Variants in BCL11B observed in about 807,000 individuals in gnomAD.
BCL11B encodes B-cell lymphoma/leukemia 11B.
Under a neutral mutation model 49.9 loss-of-function variants are expected in BCL11B, and 8 were observed. The ratio of observed to expected loss-of-function variants is 0.16; its 90% CI spans 0.09 to 0.29. The LOEUF (loss-of-function observed/expected upper bound fraction) is 0.29, where lower values mean the gene tolerates loss of function less well. Among genes scored for constraint, BCL11B ranks in the 10% least tolerant of loss-of-function variants. The pLI, the probability that BCL11B is intolerant of heterozygous loss-of-function variation, is 1.00. For synonymous variants in BCL11B, 739 were observed against 637.4 expected (o/e 1.16, Z -2.40); for missense variants, 1,006 against 1,351.0 (o/e 0.74, Z 4.00).
Position 99,172,076 on chromosome 14 carries a change from A to ATT in BCL11B, c.*2073_*2074dup. The ATT allele has an allele frequency of 4.7e-6, 1 of 210,836 alleles. No homozygotes were observed. The highest frequency in any genetic ancestry group is 7.2e-5 in the East Asian group (1 of 13,812). The allele number at this position is 210,836 out of a possible 1,614,324, so 13.1% of individuals were successfully genotyped here. ...GATCGCTCCAACACACATACACACAATTTTTTTTTTACCCTTGTATGTACC... is the reference window on the plus strand; with the variant it reads ...GATCGCTCCAACACACATACACACAATTTTTTTTTTTTACCCTTGTATGTACC... On this transcript the variant is annotated 3_prime_UTR_variant, in exon 4 of 4. Transcript: ENST00000357195.
In BCL11B at chr14:99,250,521, C is replaced by T. The variant is rs1391527425; in HGVS notation, c.427+6950G>A. Among the ~76,000 whole-genome samples, 6 of 152,180 alleles carry T rather than the reference C, an allele frequency of 3.9e-5. 1 individual carries two copies. Among genetic ancestry groups the T allele is most frequent in the Admixed American group, 3.9e-4 (6 of 15,294 alleles). ...GACCCCAAAGGCACAGGGTGACAGC[C>T]AGTCAGCCTTATTTCTATAGATTAT... On this transcript the variant is annotated intron_variant, in intron 2 of 3. Transcript: ENST00000357195.
chr14:99,229,035 G>GATGC (rs1220927833), intron 3 of BCL11B, among the ~76,000 whole-genome samples: 32 of 119,868 alleles, frequency 2.7e-4, no homozygotes, highest in South Asian at 7.7e-4. Flanking sequence ...TGGATGGATG[G>GATGC]ATGGATGCAT....
intron 3 of BCL11B, among the ~76,000 whole-genome samples, chr14:99,199,002 C>A (rs918557795): frequency 6.6e-6 from 1 of 152,066 alleles, no homozygotes; most frequent in East Asian, 1.9e-4. Flanking sequence ...ACGCTTTGCG[C>A]GGGGCCGTTG....
Position 99,192,485 on chromosome 14 carries a change from G to A in BCL11B, c.641-16290C>T, listed in dbSNP as rs1184232411. Among the ~76,000 whole-genome samples, 9 of 152,130 alleles carry A rather than the reference G, an allele frequency of 5.9e-5. No homozygotes were observed. Among genetic ancestry groups the A allele is most frequent in the East Asian group, 3.8e-4 (2 of 5,196 alleles). ...GCAGAAAATAAAACAATGCCGGCAC[G>A]TTCTGGAGACCACAGCGCGCTACCT... is the stretch of plus-strand genomic sequence containing the variant. On this transcript the variant is annotated intron_variant, in intron 3 of 3. Coordinates refer to ENST00000357195, the MANE Select transcript of BCL11B (RefSeq NM_138576.4). The surrounding 1 kb of genome is among the most constrained non-coding windows in gnomAD (Gnocchi z 4.0).
At chr14:99,202,143 G>A (rs1319603511) in intron 3 of BCL11B, among the ~76,000 whole-genome samples, 5 of 151,942 alleles carry the variant, frequency 3.3e-5, no homozygotes. Context: ...CACCACACTC[G>A]GCTGATTTTT....
In BCL11B at chr14:99,192,390, C is replaced by T. The variant is rs1187519831; in HGVS notation, c.641-16195G>A. Among the ~76,000 whole-genome samples the T allele has an allele frequency of 1.3e-5, 2 of 152,154 alleles. No homozygotes were observed. Among genetic ancestry groups the T allele is most frequent in the Non-Finnish European group, 2.9e-5 (2 of 68,024 alleles). ...GAACAGAGCAGGGCTTTCGGGGCCC[C>T]GCTCGCCACAATAGGGACTGTAAAC... is the stretch of plus-strand genomic sequence containing the variant. On this transcript the variant is annotated intron_variant, in intron 3 of 3. Coordinates refer to ENST00000357195, the MANE Select transcript of BCL11B (RefSeq NM_138576.4). This position sits in a 1 kb window ranked among gnomAD's most constrained non-coding sequence, Gnocchi z 4.0.
At chr14:99,218,035 G>A (rs1429591838) in intron 3 of BCL11B, among the ~76,000 whole-genome samples, 1 of 140,636 alleles carries the variant, frequency 7.1e-6, no homozygotes, top group Non-Finnish European at 1.5e-5. Context: ...ATTCAACTCT[G>A]TTAATTCTCA....
rs1382974900 is a variant in BCL11B at position 99,184,906 on chromosome 14, C to T, written c.641-8711G>A. On this transcript the variant is annotated intron_variant, in intron 3 of 3. Transcript: ENST00000357195. The surrounding 1 kb of genome is among the most constrained non-coding windows in gnomAD (Gnocchi z 6.1). ...CGGCTTCATCTGCCTGGACTTAATT[C>T]AGGCTTTGAGAAAAACCTTAGGAAG... Among the ~76,000 whole-genome samples, 1 of 152,194 alleles carries T rather than the reference C, an allele frequency of 6.6e-6. No individual in the cohort carries two copies. The highest frequency in any genetic ancestry group is 1.5e-5 in the Non-Finnish European group (1 of 68,042).
chr14:99,267,398 G>A (rs1399411854), intron 1 of BCL11B, among the ~76,000 whole-genome samples: 4 of 152,102 alleles, frequency 2.6e-5, no homozygotes, highest in Admixed American at 2.6e-4. Flanking sequence ...TTTTCTCTCA[G>A]GTGTGAATTA....
chr14:99,183,622 G>A (rs913376612), intron 3 of BCL11B, among the ~76,000 whole-genome samples: 7 of 152,032 alleles, frequency 4.6e-5, no homozygotes, highest in South Asian at 2.1e-4. Flanking sequence ...TTCCTGGGTC[G>A]TTCGCTGTAG....
chr14:99,176,077 C>G lies in BCL11B; in HGVS notation c.759G>C (p.Gly253=). 1 of 1,606,506 alleles carries G rather than the reference C, an allele frequency of 6.2e-7. No individual in the cohort carries two copies. The highest frequency in any genetic ancestry group is 8.5e-7 in the Non-Finnish European group (1 of 1,176,410). ...THGFRIYLEP[G]PASSSLTPRL... The stretch of plus-strand genomic sequence containing the variant: ...GCGGCGTGAGCGAGCTGCTGGCCGG[C>G]CCGGGCTCCAGGTAGATGCGGAAGC... Residue 253 remains glycine, a synonymous_variant, in exon 4 of 4, where the codon GGG becomes GGC. Transcript: ENST00000357195.
At chr14:99,182,970 T>G (rs1886751246) in intron 3 of BCL11B, among the ~76,000 whole-genome samples, 1 of 152,202 alleles carries the variant, frequency 6.6e-6, no homozygotes, top group Non-Finnish European at 1.5e-5. Flanking sequence ...TACATCTGAC[T>G]TTCATTAATT....
intron 3 of BCL11B, among the ~76,000 whole-genome samples, chr14:99,223,528 A>G (rs771551046): frequency 7.9e-5 from 12 of 152,184 alleles, no homozygotes; most frequent in Non-Finnish European, 1.5e-4. Context: ...GTGACCTTCA[A>G]TTCACACAAT....
intron 3 of BCL11B, among the ~76,000 whole-genome samples, chr14:99,185,751 C>G (rs1283714480): frequency 6.6e-6 from 1 of 151,618 alleles, no homozygotes; most frequent in Non-Finnish European, 1.5e-5. Flanking sequence ...GCACACTCGC[C>G]CTCCTGACCC....
chr14:99,266,669 T>C (rs925043377), intron 1 of BCL11B, among the ~76,000 whole-genome samples: 3 of 152,228 alleles, frequency 2.0e-5, no homozygotes, highest in African/African-American at 7.2e-5. Context: ...CCGCCGCTGC[T>C]GATGGAAGCC....
intron 3 of BCL11B, among the ~76,000 whole-genome samples, chr14:99,199,642 G>GTA (rs1887286397): frequency 2.4e-5 from 3 of 126,084 alleles, no homozygotes; most frequent in Admixed American, 1.7e-4. Flanking sequence ...GCTAAATGCT[G>GTA]TGTGTGTGTG....
intron 3 of BCL11B, among the ~76,000 whole-genome samples, chr14:99,221,563 G>A (rs889860458): frequency 2.6e-5 from 4 of 152,250 alleles, no homozygotes; most frequent in Non-Finnish European, 2.9e-5. Context: ...ACACCTGCCA[G>A]GTACAAGGCC....
At chr14:99,217,605 A>AC (rs1415270105) in intron 3 of BCL11B, among the ~76,000 whole-genome samples, 2 of 152,172 alleles carry the variant, frequency 1.3e-5, no homozygotes, top group African/African-American at 4.8e-5. Flanking sequence ...TCCAGGGGGA[A>AC]CCCCCACCCC....
In BCL11B at chr14:99,205,549, T is replaced by C. The variant is rs1289410342; in HGVS notation, c.640+25796A>G. ...TCCTGTGTCACCCTGTCCTGGGCGCTCTGTGAACTTTGTGATGCCTGAGAT... is the reference window on the plus strand; with the variant it reads ...TCCTGTGTCACCCTGTCCTGGGCGCCCTGTGAACTTTGTGATGCCTGAGAT... On this transcript the variant is annotated intron_variant, in intron 3 of 3. Transcript: ENST00000357195. The surrounding 1 kb of genome is among the most constrained non-coding windows in gnomAD (Gnocchi z 5.0). Among the ~76,000 whole-genome samples the C allele has an allele frequency of 6.6e-6, 1 of 152,124 alleles. No individual in the cohort carries two copies. The highest frequency in any genetic ancestry group is 1.5e-5 in the Non-Finnish European group (1 of 68,004).
Sources: gnomAD v4.1 joint callset for allele counts (sites outside exome capture counted in the v4.1 genomes callset) on GRCh38, gnomAD v4.1.1 for gene constraint, Gnocchi (gnomAD v3.1) non-coding constraint, MANE v1.5 for transcripts, NCBI Gene and HGNC (gene_info 2026-07-23, HGNC 2026-07-21) for gene names.